The following SLC2A9 variants were observed in gnomAD, a reference collection of about 807,000 sequenced individuals.
SLC2A9 encodes solute carrier family 2, facilitated glucose transporter member 9.
Under a neutral mutation model 50.6 loss-of-function variants are expected in SLC2A9, and 39 were observed. The ratio of observed to expected loss-of-function variants is 0.77; its 90% CI spans 0.60 to 1.01. The LOEUF is 1.01. Ranked by LOEUF, SLC2A9 falls within the 50% of genes least tolerant of loss-of-function variation. The probability of loss-of-function intolerance (pLI) is 0.00; values close to 1 mark genes in which losing one functional copy is unlikely to be tolerated. For missense variants in SLC2A9, 686 were observed against 677.6 expected (o/e 1.01, Z -0.14); for synonymous variants, 324 against 276.9 (o/e 1.17, Z -1.69).
intron 2 of SLC2A9, among the ~76,000 whole-genome samples, chr4:10,012,237 C>T (rs4280729): frequency 0.46 from 70,327 of 152,034 alleles, 17,447 homozygotes; most frequent in South Asian, 0.6. Flanking sequence ...AGAAGGGATA[C>T]TCAGGAATTA....
intron 1 of SLC2A9, among the ~76,000 whole-genome samples, chr4:10,039,633 T>G (rs1392709112): frequency 6.6e-6 from 1 of 152,144 alleles, no homozygotes; most frequent in Non-Finnish European, 1.5e-5. Flanking sequence ...GGTTCTAACT[T>G]GGTCCCCTCC....
At chr4:9,854,298 A>T (rs1490627710) in intron 10 of SLC2A9, among the ~76,000 whole-genome samples, 1 of 152,186 alleles carries the variant, frequency 6.6e-6, no homozygotes, top group African/African-American at 2.4e-5. Flanking sequence ...TGACAAAGAG[A>T]CATTATCACT....
At chr4:9,962,601 C>A (rs1197102235) in intron 5 of SLC2A9, among the ~76,000 whole-genome samples, 1 of 152,104 alleles carries the variant, frequency 6.6e-6, no homozygotes, top group Non-Finnish European at 1.5e-5. Flanking sequence ...AGTAAACAAC[C>A]TAATGCATGC....
intron 5 of SLC2A9, among the ~76,000 whole-genome samples, chr4:9,972,354 A>G (rs1754039563): frequency 6.6e-6 from 1 of 151,756 alleles, no homozygotes; most frequent in African/African-American, 2.4e-5. Context: ...TCTTTGCAAG[A>G]GAAATAGCTA....
chr4:9,802,810 T>A (rs1245307315), intron 3 of SLC2A9, among the ~76,000 whole-genome samples: 3 of 152,192 alleles, frequency 2.0e-5, no homozygotes, highest in Non-Finnish European at 4.4e-5. Flanking sequence ...TGAATCCACC[T>A]GCCTTGGCCT....
At position 9,931,972 on chromosome 4, in the gene SLC2A9, A is replaced by C. The variant is rs1211863427; in HGVS notation, c.814+9941T>G. ...TCTCTCTCTCTCTCTCTATATATATATATATATATATATATATATATATAT... is the reference window on the plus strand; with the variant it reads ...TCTCTCTCTCTCTCTCTATATATATCTATATATATATATATATATATATAT... On this transcript the variant is annotated intron_variant, in intron 6 of 11. Transcript: ENST00000264784. Among the ~76,000 whole-genome samples the C allele has an allele frequency of 9.3e-3, 467 of 50,106 alleles. 22 individuals carry two copies. Among genetic ancestry groups the C allele is most frequent in the Middle Eastern group, 0.026 (3 of 114 alleles). The allele number at this position is 50,106 out of a possible 152,430, so 32.9% of individuals were successfully genotyped here.
intron 6 of SLC2A9, among the ~76,000 whole-genome samples, chr4:9,935,196 T>G (rs746121197): frequency 1.3e-5 from 2 of 152,230 alleles, no homozygotes; most frequent in Non-Finnish European, 2.9e-5. Context: ...CTGGGTCAAA[T>G]CTTATTTCTG....
At chr4:10,018,701 G>T (rs1486477546) in intron 2 of SLC2A9, among the ~76,000 whole-genome samples, 5 of 151,790 alleles carry the variant, frequency 3.3e-5, no homozygotes, top group African/African-American at 9.7e-5. Context: ...CCCCACCCCG[G>T]GACTTCCGAA....
intron 5 of SLC2A9, among the ~76,000 whole-genome samples, chr4:9,979,511 A>G (rs763941145): frequency 4.1e-4 from 62 of 151,964 alleles, no homozygotes; most frequent in Non-Finnish European, 6.9e-4. Context: ...CATCCCTGGG[A>G]GGCATCCCCT....
At chr4:9,952,733 C>T (rs959525297) in intron 5 of SLC2A9, among the ~76,000 whole-genome samples, 2 of 152,176 alleles carry the variant, frequency 1.3e-5, no homozygotes, top group Non-Finnish European at 2.9e-5. Context: ...CCATGTTGCC[C>T]AGGCTGGTCT....
At chr4:9,805,013 C>T (rs1721939985) in intron 3 of SLC2A9, among the ~76,000 whole-genome samples, 1 of 152,162 alleles carries the variant, frequency 6.6e-6, no homozygotes, top group Non-Finnish European at 1.5e-5. Flanking sequence ...GGAAATGTGG[C>T]CCCTGAAAGA....
chr4:9,936,322 A>C (rs148133658), intron 6 of SLC2A9, among the ~76,000 whole-genome samples: 220 of 152,326 alleles, frequency 1.4e-3, no homozygotes, highest in African/African-American at 5.2e-3. Context: ...CACAGGCAAG[A>C]AAACTGAGCC....
At chr4:10,016,004 C>T (rs13113730) in intron 2 of SLC2A9, among the ~76,000 whole-genome samples, 66,972 of 152,064 alleles carry the variant, frequency 0.44, 16,368 homozygotes, top group South Asian at 0.59. Context: ...TGGATCTGGG[C>T]AGATGGCTCA....
At chr4:9,871,426 T>G (rs1733416702) in intron 10 of SLC2A9, among the ~76,000 whole-genome samples, 1 of 152,154 alleles carries the variant, frequency 6.6e-6, no homozygotes, top group South Asian at 2.1e-4. Context: ...CTCTGCAGAC[T>G]CTGAGGGAGA....
At chr4:9,844,505 C>A (rs1728632093) in intron 10 of SLC2A9, among the ~76,000 whole-genome samples, 1 of 152,200 alleles carries the variant, frequency 6.6e-6, no homozygotes, top group South Asian at 2.1e-4. Context: ...TCTTCCCCCT[C>A]ATTGGTAAAT....
chr4:9,826,154 A>G, downstream of SLC2A9: 1 of 527,142 alleles, frequency 1.9e-6, no homozygotes, highest in Non-Finnish European at 3.4e-6. Context: ...TGAAACATAG[A>G]GTGATTCCTT....
At chr4:9,922,035 T>G (rs989093730) in intron 6 of SLC2A9, among the ~76,000 whole-genome samples, 1 of 152,206 alleles carries the variant, frequency 6.6e-6, no homozygotes, top group South Asian at 2.1e-4. Flanking sequence ...CTCTTAAAAT[T>G]TCCTATCTTC....
intron 5 of SLC2A9, 105 bp from the exon 6 acceptor site, chr4:9,942,150 C>T: frequency 1.5e-6 from 2 of 1,345,462 alleles, no homozygotes; most frequent in Middle Eastern, 1.8e-4. Flanking sequence ...GTCTTCCTGC[C>T]CAGCATGATC....
chr4:10,028,489 G>A lies in SLC2A9; in HGVS notation c.-40-2483C>T, dbSNP rs1204268665. On this transcript the variant is annotated intron_variant, in intron 1 of 12. Transcript: ENST00000309065. ...GCCAGCTGTGTGAGCTCAGGCGACT[G>A]AGTTAACCTCTCTGAGCTCAGCTTC... is the stretch of plus-strand genomic sequence containing the variant. Among the ~76,000 whole-genome samples, 3 of 152,184 alleles carry A rather than the reference G, an allele frequency of 2.0e-5. No individual in the cohort carries two copies. The East Asian group carries it at 5.8e-4, about 29-fold the overall frequency.
Sources: allele counts gnomAD v4.1 joint callset (sites outside exome capture counted in the v4.1 genomes callset), GRCh38; gene constraint gnomAD v4.1.1; transcripts MANE v1.5; gene names NCBI Gene and HGNC (gene_info 2026-07-23, HGNC 2026-07-21).